A2ML1: variants seen among roughly 807,000 people sequenced by gnomAD.
A2ML1 encodes the protein alpha-2-macroglobulin-like protein 1.
A2ML1 carries 161 observed loss-of-function variants against 181.9 expected under a neutral mutation model. That is an observed-to-expected ratio of 0.89 (90% confidence interval 0.78 to 1.01). The LOEUF is 1.01. Among genes scored for constraint, A2ML1 ranks in the 50% least tolerant of loss-of-function variants. The probability of loss-of-function intolerance (pLI) is 0.00; values close to 1 mark genes in which losing one functional copy is unlikely to be tolerated. For synonymous variants in A2ML1, 663 were observed against 666.8 expected (o/e 0.99, Z 0.09); for missense variants, 1,670 against 1,768.1 (o/e 0.94, Z 1.00).
intron 3 of A2ML1, among the ~76,000 whole-genome samples, chr12:8,827,601 G>T (rs1175306393): frequency 1.3e-5 from 2 of 152,078 alleles, no homozygotes; most frequent in Non-Finnish European, 2.9e-5. Context: ...ATTGGTTGCT[G>T]GTGCCTTATT....
Position 8,868,180 on chromosome 12 carries a change from C to G in A2ML1, c.3934-50C>G, listed in dbSNP as rs146729547. The G allele has an allele frequency of 3.1e-6, 5 of 1,612,012 alleles. No homozygotes were observed. The African/African-American group carries it at 5.4e-5, about 17-fold the overall frequency. On this transcript the variant is annotated intron_variant, in intron 30 of 35. Transcript: ENST00000299698. ...AGAAAAGTAGTTTGAACTGTACAATCTTTAAAGTTCTTTCCAAGTCTGATT... is the reference window on the plus strand; with the variant it reads ...AGAAAAGTAGTTTGAACTGTACAATGTTTAAAGTTCTTTCCAAGTCTGATT...
rs367860252 is a variant in A2ML1, at chr12:8,855,269, TG to T, written c.2765-236del. ...GGAGAGTCTGAAGTGCCATTCCTCATGGGGCTGATTAACTGGGAGGCAGGAG... is the reference window on the plus strand; with the variant it reads ...GGAGAGTCTGAAGTGCCATTCCTCATGGGCTGATTAACTGGGAGGCAGGAG... On this transcript the variant is annotated intron_variant, in intron 22 of 35. Transcript: ENST00000299698. 7.2e-4 allele frequency among the ~76,000 whole-genome samples: 110 copies of T among 152,162 alleles called. 4 individuals are homozygous for T. The Middle Eastern group carries it at 0.014, about 19-fold the overall frequency.
intron 7 of A2ML1, among the ~76,000 whole-genome samples, chr12:8,885,191 C>A (rs1944910227): frequency 2.0e-5 from 3 of 152,126 alleles, no homozygotes; most frequent in Admixed American, 2.0e-4. Context: ...TCAATAATGT[C>A]TTTTGGTGAA....
downstream of A2ML1, among the ~76,000 whole-genome samples, chr12:8,881,192 G>T (rs74687000): frequency 6.6e-6 from 1 of 152,120 alleles, no homozygotes; most frequent in East Asian, 1.9e-4. Context: ...AAATGAAACC[G>T]AGAAAAGACA....
chr12:8,854,472 T>A (rs1450763361), intron 21 of A2ML1, among the ~76,000 whole-genome samples: 1 of 152,234 alleles, frequency 6.6e-6, no homozygotes, highest in African/African-American at 2.4e-5. Flanking sequence ...TTAGTTTACC[T>A]AATTAAAATG....
chr12:8,843,262 C>A lies in A2ML1; in HGVS notation c.1377C>A (p.Asn459Lys), dbSNP rs374233026. Residue 459 changes from asparagine (N) to lysine (K), a missense_variant, in exon 12 of 36, where the codon AAC becomes AAA. By Grantham distance (94) the Asn-to-Lys change is moderately conservative (BLOSUM62 0). Coordinates refer to ENST00000299698, the MANE Select transcript of A2ML1 (RefSeq NM_144670.6). ...GCTTCCTTGGCATCCACCGGCTAAA[C>A]GGCCCCTTGAAATGTGGCCAGCCCC... is the stretch of plus-strand genomic sequence containing the variant. ...TRSFLGIHRLNGPLKCGQPQE... is the reference protein window; with the variant it reads ...TRSFLGIHRLKGPLKCGQPQE... 1.2e-6 allele frequency: 2 copies of A among 1,614,192 alleles called. No homozygotes were observed. The highest frequency in any genetic ancestry group is 2.2e-5 in the East Asian group (1 of 44,884).
At chr12:8,854,313 G>C in intron 21 of A2ML1, 64 bp downstream of exon 21, 9 of 1,521,936 alleles carry the variant, frequency 5.9e-6, no homozygotes, top group Non-Finnish European at 7.9e-6. Context: ...TCGTCTTGCT[G>C]TGAGTTAGTC....
downstream of A2ML1, among the ~76,000 whole-genome samples, chr12:8,887,177 C>CA (rs1037532391): frequency 4.1e-5 from 6 of 145,430 alleles, no homozygotes; most frequent in Non-Finnish European, 6.1e-5. Flanking sequence ...ACAAAAAAAA[C>CA]AAAAAAACCC....
chr12:8,875,485 C>T (rs7304324), intron 35 of A2ML1: 39,705 of 153,986 alleles, frequency 0.26, 5,383 homozygotes, highest in Middle Eastern at 0.35. Context: ...GCCCAGGCTG[C>T]AGTGCAGTGG....
downstream of A2ML1, among the ~76,000 whole-genome samples, chr12:8,881,047 T>C (rs1393791516): frequency 1.3e-5 from 2 of 152,170 alleles, no homozygotes; most frequent in African/African-American, 4.8e-5. Context: ...GGTTCACCAG[T>C]GTCAGAGACT....
At chr12:8,845,222 G>A in intron 12 of A2ML1, 1 of 1,535,050 alleles carries the variant, frequency 6.5e-7, no homozygotes, top group Non-Finnish European at 8.7e-7. Flanking sequence ...CCACCTGCGT[G>A]GTTCTCAGCC....
At chr12:8,826,473 T>A (rs1942932073) in intron 3 of A2ML1, among the ~76,000 whole-genome samples, 1 of 152,140 alleles carries the variant, frequency 6.6e-6, no homozygotes, top group Non-Finnish European at 1.5e-5. Context: ...TGAGACAGAG[T>A]CTCCCTCTGT....
Position 8,822,688 on chromosome 12 carries a change from T to C in A2ML1, c.37T>C (p.Ser13Pro). 2 of 1,614,198 alleles carry C rather than the reference T, an allele frequency of 1.2e-6. No individual in the cohort carries two copies. Among genetic ancestry groups the C allele is most frequent in the South Asian group, 1.1e-5 (1 of 91,078 alleles). Residue 13 changes from serine to proline, a missense_variant, in exon 1 of 36, where the codon TCA (serine) becomes CCA (proline). Physicochemically the swap from Ser to Pro is moderately conservative, Grantham distance 74. Transcript: ENST00000299698. ...GCTCCTTCTAGGAATGTTGGCCCTA[T>C]CACCAGCCATTGCAGAAGAACTTCC... ...AQLLLGMLAL[S>P]PAIAEELPNY...
rs11047514 is a variant in A2ML1, at chr12:8,837,803, C to T, written c.855+237C>T. Among the ~76,000 whole-genome samples the T allele has an allele frequency of 0.27, 40,228 of 150,768 alleles. 6,397 individuals are homozygous for T. The highest frequency in any genetic ancestry group is 0.37 in the Non-Finnish European group (24,912 of 67,760). ...GCTGAGACAGGAGAATCACTTGAAC[C>T]CGGGAGGCGGAGGTTGCAATGAGCC... On this transcript the variant is annotated intron_variant, in intron 8 of 35. Coordinates refer to ENST00000299698, the MANE Select transcript of A2ML1 (RefSeq NM_144670.6).
intron 4 of A2ML1, among the ~76,000 whole-genome samples, chr12:8,833,537 C>T (rs1245286693): frequency 6.6e-6 from 1 of 152,054 alleles, no homozygotes; most frequent in Non-Finnish European, 1.5e-5. Flanking sequence ...GCTGGGGTTA[C>T]AGGCATGTGC....
intron 21 of A2ML1, 42 bp downstream of exon 21, chr12:8,854,291 A>G: frequency 1.3e-6 from 2 of 1,547,970 alleles, no homozygotes; most frequent in Non-Finnish European, 1.7e-6. Flanking sequence ...CAACCGAGGG[A>G]TGCTCAGCAT....
At chr12:8,874,835 T>G in intron 34 of A2ML1, 136 bp from the exon 35 acceptor site, 1 of 807,688 alleles carries the variant, frequency 1.2e-6, no homozygotes, top group South Asian at 1.8e-5. Context: ...TGATTGAAAC[T>G]TTCTTGTAAT....
rs773841241 is a variant in A2ML1 at position 8,850,204 on chromosome 12, C to T, written c.2164C>T (p.His722Tyr). The T allele has an allele frequency of 3.1e-6, 5 of 1,613,354 alleles. No individual in the cohort carries two copies. Among genetic ancestry groups the T allele is most frequent in the Non-Finnish European group, 4.2e-6 (5 of 1,179,856 alleles). The part of the protein sequence containing the change: ...PEAFESSTPL[H>Y]QAEDSQVRQY... ...GGCTTTTGAGTCATCAACTCCTTTA[C>T]ATCAAGCAGAGGATTCTCAGGTCCG... The change falls in exon 18 of 36, where the codon CAT becomes TAT. Residue 722 changes from histidine to tyrosine, a missense_variant. His to Tyr is a moderately conservative substitution (Grantham distance 83). Coordinates refer to ENST00000299698, the MANE Select transcript of A2ML1 (RefSeq NM_144670.6).
At position 8,850,265 on chromosome 12, in the gene A2ML1, T is replaced by C. The variant is rs1232434859; in HGVS notation, c.2225T>C (p.Phe742Ser). Residue 742 changes from phenylalanine (F) to serine (S), a missense_variant, in exon 18 of 36, where the codon TTT becomes TCT. Physicochemically the swap from Phe to Ser is radical, Grantham distance 155 (BLOSUM62 -2). Coordinates refer to ENST00000299698, the MANE Select transcript of A2ML1 (RefSeq NM_144670.6). ...YFPETWLWDL[F>S]PIGNSGKEAV... ...CCAGAGACCTGGCTCTGGGATCTGT[T>C]TCCTATTGGGTAAGTGATGACTCAA... 1.2e-6 allele frequency: 2 copies of C among 1,611,708 alleles called. No homozygotes were observed. The highest frequency in any genetic ancestry group is 3.4e-5 in the Admixed American group (2 of 59,572).
Sources: allele counts gnomAD v4.1 joint callset (sites outside exome capture counted in the v4.1 genomes callset), GRCh38; gene constraint gnomAD v4.1.1; transcripts MANE v1.5; gene names NCBI Gene and HGNC (gene_info 2026-07-23, HGNC 2026-07-21).